Variants in FBXL13 observed in about 807,000 individuals in gnomAD.
The protein encoded by FBXL13 is F-box and leucine rich repeat protein 13.
Under a neutral mutation model 83.6 loss-of-function variants are expected in FBXL13, and 67 were observed. The ratio of observed to expected loss-of-function variants is 0.80; its 90% confidence interval spans 0.66 to 0.98. The LOEUF is 0.98. Among genes scored for constraint, FBXL13 ranks in the 50% least tolerant of loss-of-function variants. The pLI, the probability that FBXL13 is intolerant of heterozygous loss-of-function variation, is 0.00. For missense variants in FBXL13, 822 were observed against 866.5 expected (o/e 0.95, Z 0.64); for synonymous variants, 272 against 299.5 (o/e 0.91, Z 0.95).
intron 18 of FBXL13, among the ~76,000 whole-genome samples, chr7:102,829,034 C>G (rs916327962): frequency 6.6e-6 from 1 of 152,214 alleles, no homozygotes; most frequent in African/African-American, 2.4e-5. Context: ...CAGCCAGGCT[C>G]TGTTCCAGTT....
chr7:102,824,065 C>G (rs1019192249), intron 18 of FBXL13, among the ~76,000 whole-genome samples: 3 of 152,148 alleles, frequency 2.0e-5, no homozygotes, highest in African/African-American at 7.2e-5. Context: ...ACTAGGAGAG[C>G]TGAAAAGGAG....
chr7:102,837,898 G>T (rs1305780899), intron 17 of FBXL13, among the ~76,000 whole-genome samples: 9 of 152,198 alleles, frequency 5.9e-5, no homozygotes, highest in Admixed American at 5.9e-4. Flanking sequence ...CTTATCTTCT[G>T]CATTGACTGT....
intron 17 of FBXL13, among the ~76,000 whole-genome samples, chr7:102,850,993 G>A (rs1805122695): frequency 6.6e-6 from 1 of 152,160 alleles, no homozygotes; most frequent in Non-Finnish European, 1.5e-5. Context: ...TCACTAAGCT[G>A]TCAAACAACC....
chr7:102,815,596 T>G (rs1797885574), intron 19 of FBXL13, among the ~76,000 whole-genome samples: 1 of 152,166 alleles, frequency 6.6e-6, no homozygotes, highest in African/African-American at 2.4e-5. Context: ...TGATGTTGAC[T>G]GTAGTACAAG....
intron 2 of FBXL13, among the ~76,000 whole-genome samples, chr7:103,034,853 GA>G (rs1482301114): frequency 1.3e-5 from 2 of 152,204 alleles, no homozygotes; most frequent in Non-Finnish European, 1.5e-5. Flanking sequence ...AAACTAATGT[GA>G]TACAAAATAT....
At chr7:102,984,507 A>G (rs563666757) in intron 6 of FBXL13, among the ~76,000 whole-genome samples, 1 of 152,354 alleles carries the variant, frequency 6.6e-6, no homozygotes, top group African/African-American at 2.4e-5. Context: ...AGCTGGTGGT[A>G]TAGTTCCAGT....
chr7:102,886,514 T>C (rs764084978), intron 11 of FBXL13, among the ~76,000 whole-genome samples: 34 of 152,202 alleles, frequency 2.2e-4, no homozygotes, highest in Non-Finnish European at 3.8e-4. Flanking sequence ...TTAGGAAGTG[T>C]TCCTGACCCT....
At chr7:102,939,599 T>C (rs368948293) in intron 8 of FBXL13, 1 of 1,595,856 alleles carries the variant, frequency 6.3e-7, no homozygotes, top group African/African-American at 1.3e-5. Flanking sequence ...AGTTCCCCTG[T>C]ATAGCCCCTT....
chr7:102,849,451 G>T (rs536673230), intron 17 of FBXL13, among the ~76,000 whole-genome samples: 2 of 152,222 alleles, frequency 1.3e-5, no homozygotes, highest in Admixed American at 6.5e-5. Context: ...CCTAACCAGG[G>T]TAAAAAATTT....
At chr7:102,961,884 T>C (rs988461243) in intron 8 of FBXL13, among the ~76,000 whole-genome samples, 5 of 147,366 alleles carry the variant, frequency 3.4e-5, no homozygotes, top group African/African-American at 7.6e-5. Flanking sequence ...ATAAAAACCC[T>C]AGAAGAAAAC....
intron 17 of FBXL13, among the ~76,000 whole-genome samples, chr7:102,837,495 T>C (rs1242326436): frequency 6.6e-6 from 1 of 152,232 alleles, no homozygotes; most frequent in Non-Finnish European, 1.5e-5. Context: ...AGCTCAAATG[T>C]GGTTTATTCT....
At chr7:102,963,462 A>G (rs1401404176) in intron 8 of FBXL13, 71 bp downstream of exon 9, 2 of 1,569,182 alleles carry the variant, frequency 1.3e-6, no homozygotes, top group African/African-American at 1.4e-5. Flanking sequence ...TTTTTAATCT[A>G]TGCTTTTCTG....
intron 15 of FBXL13, 28 bp downstream of exon 16, chr7:102,878,302 AT>A: frequency 6.4e-7 from 1 of 1,570,910 alleles, no homozygotes; most frequent in Non-Finnish European, 8.6e-7. Context: ...AATACTAATG[AT>A]ATGATGTAAA....
At chr7:102,938,390 C>A (rs1437159402) in intron 8 of FBXL13, among the ~76,000 whole-genome samples, 3 of 152,172 alleles carry the variant, frequency 2.0e-5, no homozygotes, top group Non-Finnish European at 4.4e-5. Flanking sequence ...TGTCTCTTTT[C>A]TTACTGCTAC....
At chr7:102,844,320 A>G (rs1803549047) in intron 17 of FBXL13, among the ~76,000 whole-genome samples, 1 of 152,240 alleles carries the variant, frequency 6.6e-6, no homozygotes, top group Non-Finnish European at 1.5e-5. Flanking sequence ...CCTCCAAACC[A>G]GAAAATATAA....
At chr7:102,903,419 T>C (rs1359738628) in intron 11 of FBXL13, among the ~76,000 whole-genome samples, 2 of 152,124 alleles carry the variant, frequency 1.3e-5, no homozygotes, top group African/African-American at 4.8e-5. Context: ...TTCTCTTGTC[T>C]GATTGCTCTA....
At chr7:102,818,210 A>G (rs1798267299) in intron 19 of FBXL13, among the ~76,000 whole-genome samples, 1 of 152,218 alleles carries the variant, frequency 6.6e-6, no homozygotes, top group Non-Finnish European at 1.5e-5. Context: ...AAAACAGAGC[A>G]CGTGTCTACC....
intron 6 of FBXL13, among the ~76,000 whole-genome samples, chr7:102,982,084 A>T (rs945304591): frequency 3.9e-5 from 6 of 152,128 alleles, no homozygotes; most frequent in Admixed American, 3.9e-4. Context: ...TAGCAGTCCC[A>T]CTTCTCCTTG....
intron 6 of FBXL13, among the ~76,000 whole-genome samples, chr7:103,001,636 A>T (rs1398041146): frequency 6.6e-6 from 1 of 152,194 alleles, no homozygotes; most frequent in Admixed American, 6.5e-5. Flanking sequence ...AGGCAGAAGG[A>T]GGTGGGATAA....
Sources: allele counts gnomAD v4.1 joint callset (sites outside exome capture counted in the v4.1 genomes callset), GRCh38; gene constraint gnomAD v4.1.1; transcripts MANE v1.5; gene names NCBI Gene and HGNC (gene_info 2026-07-23, HGNC 2026-07-21).